The following AAK1 variants were observed in gnomAD, a reference collection of about 807,000 sequenced individuals.
AAK1 encodes AP2-associated protein kinase 1.
AAK1 carries 37 observed loss-of-function variants against 116.0 expected under a neutral mutation model. The observed-to-expected ratio is 0.32, with a 90% CI of 0.25 to 0.42. The LOEUF is 0.42. AAK1 is among the 10% of genes least tolerant of loss of function. The pLI is 1.00. For missense variants in AAK1, 919 were observed against 1,170.6 expected (o/e 0.79, Z 3.14); for synonymous variants, 458 against 439.9 (o/e 1.04, Z -0.51).
At chr2:69,563,995 C>A (rs1572961068) in intron 2 of AAK1, among the ~76,000 whole-genome samples, 1 of 151,944 alleles carries the variant, frequency 6.6e-6, no homozygotes, top group Admixed American at 6.6e-5. Flanking sequence ...AGATTGAGAC[C>A]GTCCTAGCTA....
chr2:69,540,841 G>A (rs1432643524), intron 5 of AAK1, among the ~76,000 whole-genome samples: 1 of 152,148 alleles, frequency 6.6e-6, no homozygotes, highest in Non-Finnish European at 1.5e-5. Flanking sequence ...TAGCCAAAAA[G>A]TGAAAACAAC....
chr2:69,551,104 A>C (rs998785468), intron 3 of AAK1, among the ~76,000 whole-genome samples: 3 of 151,842 alleles, frequency 2.0e-5, no homozygotes, highest in Non-Finnish European at 4.4e-5. Flanking sequence ...ACACACACAC[A>C]CACACCCCAA....
At chr2:69,532,372 G>GA (rs1670295852) in intron 5 of AAK1, among the ~76,000 whole-genome samples, 1 of 152,082 alleles carries the variant, frequency 6.6e-6, no homozygotes, top group African/African-American at 2.4e-5. Context: ...GGTGGAGAGG[G>GA]AAAAAAGAGG....
chr2:69,579,008 G>A (rs1269121029), intron 2 of AAK1, among the ~76,000 whole-genome samples: 1 of 152,034 alleles, frequency 6.6e-6, no homozygotes, highest in Non-Finnish European at 1.5e-5. Context: ...GCTTCACTGT[G>A]TTAGCCAGGA....
At position 69,486,886 on chromosome 2, in the gene AAK1, A is replaced by G. The variant is rs368263100; in HGVS notation, c.2366-4074T>C. ...CATCAATATAGGAATATGAGTCTTC[A>G]CATAGACATGGTCCCAGGGACAACG... On this transcript the variant is annotated intron_variant, in intron 17 of 21. Coordinates refer to ENST00000409085, the MANE Select transcript of AAK1 (RefSeq NM_014911.5). Among the ~76,000 whole-genome samples the G allele has an allele frequency of 3.7e-4, 56 of 152,296 alleles. 1 individual carries two copies. The highest frequency in any genetic ancestry group is 1.3e-3 in the African/African-American group (55 of 41,566).
chr2:69,519,074 G>A lies in AAK1; in HGVS notation c.1377C>T (p.Ala459=). ...QAQGLPAQAQ[A]TPQHQQQLFL... Reference sequence around the variant, plus strand: ...AGAGTTGCTGCTGGTGCTGGGGTGTGGCCTGGGCCTGAGCGGGCAGACCCT... The same window carrying A: ...AGAGTTGCTGCTGGTGCTGGGGTGTAGCCTGGGCCTGAGCGGGCAGACCCT... Residue 459 remains alanine (A), a synonymous_variant, in exon 12 of 22, where the codon GCC becomes GCT. Coordinates refer to ENST00000409085, the MANE Select transcript of AAK1 (RefSeq NM_014911.5). 1 of 1,551,588 alleles carries A rather than the reference G, an allele frequency of 6.4e-7. No homozygotes were observed. Among genetic ancestry groups the A allele is most frequent in the Non-Finnish European group, 8.7e-7 (1 of 1,147,008 alleles).
rs1558888106 is a variant in AAK1, at chr2:69,472,278, G to A, written c.*3591C>T. On this transcript the variant is annotated 3_prime_UTR_variant, in exon 22 of 22. Coordinates refer to ENST00000409085, the MANE Select transcript of AAK1 (RefSeq NM_014911.5). ...ATTTGCTTTCTGGAAATGGCTAAATGTTACTCAGAACCAAGAGTAGTAGAA... is the reference window on the plus strand; with the variant it reads ...ATTTGCTTTCTGGAAATGGCTAAATATTACTCAGAACCAAGAGTAGTAGAA... 1 of 549,292 alleles carries A rather than the reference G, an allele frequency of 1.8e-6. No individual in the cohort carries two copies. Among genetic ancestry groups the A allele is most frequent in the Non-Finnish European group, 2.3e-6 (1 of 431,744 alleles). The allele number at this position is 549,292 out of a possible 1,614,324, so 34.0% of individuals were successfully genotyped here. A position where few individuals can be genotyped will look rare whatever the true frequency, so the allele number is the denominator to read the frequency against.
Position 69,509,431 on chromosome 2 carries a change from C to G in AAK1, c.1806G>C (p.Lys602Asn), listed in dbSNP as rs1333399661. The change falls in exon 14 of 22, where the codon AAG becomes AAC. Residue 602 changes from lysine to asparagine, a missense_variant. By Grantham distance (94) the Lys-to-Asn change is moderately conservative. Transcript: ENST00000409085. Reference sequence around the variant, plus strand: ...CGGCAGGAGGTGGGGTTGTCTGAACCTTTGGCTGTTGTCTTACTGGGGCTT... The same window carrying G: ...CGGCAGGAGGTGGGGTTGTCTGAACGTTTGGCTGTTGTCTTACTGGGGCTT... ...AIQAPVRQQP[K>N]VQTTPPPAVQ... The G allele has an allele frequency of 6.2e-7, 1 of 1,613,826 alleles. No individual in the cohort carries two copies. The highest frequency in any genetic ancestry group is 8.5e-7 in the Non-Finnish European group (1 of 1,179,834).
chr2:69,531,571 T>G lies in AAK1; in HGVS notation c.656+470A>C. The G allele has an allele frequency of 3.0e-6, 3 of 986,628 alleles. No individual in the cohort carries two copies. In the African/African-American group the frequency reaches 5.2e-5, roughly 17 times the overall value. 61.1% of individuals were successfully genotyped at this position (986,628 alleles called of 1,614,324 possible). On this transcript the variant is annotated intron_variant, in intron 6 of 21. Transcript: ENST00000409085. Reference sequence around the variant, plus strand: ...TTTATCATGAAAGTCTGTGATTCAGTATCTGCAGAGACTTTAATAACCTAC... The same window carrying G: ...TTTATCATGAAAGTCTGTGATTCAGGATCTGCAGAGACTTTAATAACCTAC...
At chr2:69,535,590 T>C (rs1572934118) in intron 5 of AAK1, among the ~76,000 whole-genome samples, 1 of 151,966 alleles carries the variant, frequency 6.6e-6, no homozygotes, top group Non-Finnish European at 1.5e-5. Flanking sequence ...TTTTAAATAG[T>C]ATAGTCGGGG....
At chr2:69,513,724 T>C (rs1676478353) in intron 13 of AAK1, among the ~76,000 whole-genome samples, 1 of 152,220 alleles carries the variant, frequency 6.6e-6, no homozygotes, top group Non-Finnish European at 1.5e-5. Flanking sequence ...ATGCAAAATG[T>C]CTTTTTCTAA....
rs1674485665 is a variant in AAK1, at chr2:69,466,344, A to T, written c.*9525T>A. The stretch of plus-strand genomic sequence containing the variant: ...ACTGCAGTCCAGCATGTCTCCTTCA[A>T]GGTCAGTCCCTTCCTCTTCGCTGCT... On this transcript the variant is annotated 3_prime_UTR_variant, in exon 22 of 22. Coordinates refer to ENST00000409085, the MANE Select transcript of AAK1 (RefSeq NM_014911.5). The T allele has an allele frequency of 1.6e-6, 2 of 1,289,708 alleles. No homozygotes were observed. The highest frequency in any genetic ancestry group is 3.0e-5 in the African/African-American group (2 of 65,860). The allele number at this position is 1,289,708 out of a possible 1,614,324, so 79.9% of individuals were successfully genotyped here. A position where few individuals can be genotyped will look rare whatever the true frequency, so the allele number is the denominator to read the frequency against.
chr2:69,559,872 A>T (rs1391234643), intron 2 of AAK1, among the ~76,000 whole-genome samples: 1 of 152,222 alleles, frequency 6.6e-6, no homozygotes, highest in East Asian at 1.9e-4. Flanking sequence ...TGAGATAACT[A>T]CCACCAGATG....
At chr2:69,544,661 A>G in intron 3 of AAK1, 117 bp from the exon 4 acceptor site, 1 of 752,078 alleles carries the variant, frequency 1.3e-6, no homozygotes, top group Non-Finnish European at 2.2e-6. Flanking sequence ...GTGTTGACAG[A>G]GAAGACTAAG....
chr2:69,513,373 G>A (rs1423316965), intron 13 of AAK1, among the ~76,000 whole-genome samples: 1 of 151,648 alleles, frequency 6.6e-6, no homozygotes, highest in African/African-American at 2.4e-5. Flanking sequence ...AGGCTGGAGT[G>A]CAGTGGCATG....
At chr2:69,527,940 C>T (rs1408730689) in intron 8 of AAK1, among the ~76,000 whole-genome samples, 1 of 152,132 alleles carries the variant, frequency 6.6e-6, no homozygotes, top group Non-Finnish European at 1.5e-5. Context: ...CATACACATG[C>T]AAACAACAAC....
chr2:69,521,105 C>A lies in AAK1; in HGVS notation c.1056-117G>T, dbSNP rs557752535. 25 of 1,113,792 alleles carry A rather than the reference C, an allele frequency of 2.2e-5. 1 individual carries two copies. The South Asian group carries it at 3.4e-4, about 15-fold the overall frequency. The allele number at this position is 1,113,792 out of a possible 1,614,324, so 69.0% of individuals were successfully genotyped here. On this transcript the variant is annotated intron_variant, in intron 10 of 21. Transcript: ENST00000409085. Reference sequence around the variant, plus strand: ...CCCAAACCTTCCAGGTCTGTTTAATCGATGCTTCCCAAAGAATCTCCCACA... The same window carrying A: ...CCCAAACCTTCCAGGTCTGTTTAATAGATGCTTCCCAAAGAATCTCCCACA...
intron 2 of AAK1, among the ~76,000 whole-genome samples, chr2:69,592,061 G>T (rs916368472): frequency 2.6e-5 from 4 of 152,132 alleles, no homozygotes; most frequent in African/African-American, 9.7e-5. Context: ...TGAAGCAGAA[G>T]AACCAAGATC....
At position 69,469,061 on chromosome 2, in the gene AAK1, ATCTT is replaced by A. The variant is rs761792852; in HGVS notation, c.*6804_*6807del. 9 of 985,478 alleles carry A rather than the reference ATCTT, an allele frequency of 9.1e-6. No homozygotes were observed. Among genetic ancestry groups the A allele is most frequent in the Non-Finnish European group, 1.1e-5 (9 of 829,944 alleles). The allele number at this position is 985,478 out of a possible 1,614,324, so 61.0% of individuals were successfully genotyped here. A position where few individuals can be genotyped will look rare whatever the true frequency, so the allele number is the denominator to read the frequency against. ...AAAACAAGGACAAGAGCTATTTCCT[ATCTT>A]TCTTTCAGCATCAACAGGCTTTGTA... On this transcript the variant is annotated 3_prime_UTR_variant, in exon 22 of 22. Coordinates refer to ENST00000409085, the MANE Select transcript of AAK1 (RefSeq NM_014911.5).
Sources: gnomAD v4.1 joint callset for allele counts (sites outside exome capture counted in the v4.1 genomes callset) on GRCh38, gnomAD v4.1.1 for gene constraint, MANE v1.5 for transcripts, NCBI Gene and HGNC (gene_info 2026-07-23, HGNC 2026-07-21) for gene names.